MAPKAPK3: variants seen among roughly 807,000 people sequenced by gnomAD.
MAPKAPK3 encodes MAPK activated protein kinase 3.
MAPKAPK3 carries 35 observed loss-of-function variants against 49.2 expected under a neutral mutation model. The ratio of observed to expected loss-of-function variants is 0.71; its 90% CI spans 0.54 to 0.94. The LOEUF is 0.94. Among genes scored for constraint, MAPKAPK3 ranks in the 40% least tolerant of loss-of-function variants. MAPKAPK3 has a pLI of 0.00. For synonymous variants in MAPKAPK3, 178 were observed against 188.7 expected (o/e 0.94, Z 0.46); for missense variants, 398 against 493.1 (o/e 0.81, Z 1.83).
intron 2 of MAPKAPK3, among the ~76,000 whole-genome samples, chr3:50,635,674 C>G (rs1388493127): frequency 6.6e-6 from 1 of 151,508 alleles, no homozygotes; most frequent in Non-Finnish European, 1.5e-5. Context: ...CTCAGCCTCC[C>G]AAAATGCTGG....
upstream of MAPKAPK3, among the ~76,000 whole-genome samples, chr3:50,613,451 A>G (rs2032387189): frequency 6.6e-6 from 1 of 152,200 alleles, no homozygotes; most frequent in Admixed American, 6.5e-5. Flanking sequence ...CTTTCTTGGA[A>G]TGGGGGTAGG....
intron 2 of MAPKAPK3, among the ~76,000 whole-genome samples, chr3:50,638,962 A>T (rs1451913139): frequency 6.6e-6 from 1 of 152,092 alleles, no homozygotes; most frequent in East Asian, 1.9e-4. Context: ...TGAGTGAGCA[A>T]CCCTTTTTGG....
At chr3:50,619,583 G>C (rs2032558399) in intron 2 of MAPKAPK3, among the ~76,000 whole-genome samples, 1 of 152,140 alleles carries the variant, frequency 6.6e-6, no homozygotes, top group African/African-American at 2.4e-5. Flanking sequence ...CCTGTGCTAG[G>C]ATTGAGGGCA....
chr3:50,636,324 A>G (rs2033040651), intron 2 of MAPKAPK3, among the ~76,000 whole-genome samples: 1 of 152,190 alleles, frequency 6.6e-6, no homozygotes, highest in Non-Finnish European at 1.5e-5. Context: ...CTCATCCAAA[A>G]AGTGGTGATA....
chr3:50,617,823 G>T, intron 2 of MAPKAPK3, 39 bp downstream of exon 2: 1 of 1,518,128 alleles, frequency 6.6e-7, no homozygotes, highest in Non-Finnish European at 9.1e-7. Flanking sequence ...TATCCTGGAG[G>T]GTCCACAGCG....
intron 2 of MAPKAPK3, among the ~76,000 whole-genome samples, chr3:50,629,851 A>G (rs1222515702): frequency 6.6e-6 from 1 of 152,204 alleles, no homozygotes; most frequent in Non-Finnish European, 1.5e-5. Flanking sequence ...GGCCATCAAA[A>G]TTTAGTAAAT....
intron 2 of MAPKAPK3, among the ~76,000 whole-genome samples, chr3:50,626,627 G>T (rs2032752556): frequency 6.6e-6 from 1 of 152,204 alleles, no homozygotes; most frequent in Non-Finnish European, 1.5e-5. Flanking sequence ...GTGCTTTCTG[G>T]CAGGCAGTGG....
chr3:50,629,485 C>T (rs1372716527), intron 2 of MAPKAPK3, among the ~76,000 whole-genome samples: 1 of 151,138 alleles, frequency 6.6e-6, no homozygotes, highest in Non-Finnish European at 1.5e-5. Context: ...TTTGTGTGTG[C>T]TCTCATTCCC....
In MAPKAPK3 at chr3:50,648,767, A is replaced by C. The variant is rs11130254; in HGVS notation, c.*721A>C. On this transcript the variant is annotated 3_prime_UTR_variant, in exon 11 of 11. Coordinates refer to ENST00000621469, the MANE Select transcript of MAPKAPK3 (RefSeq NM_001243925.2). ...TTCCCGACCCAAAGGGTGACTTTTC[A>C]TCTGAACTTAAGGTGGGAGATATTT... The C allele has an allele frequency of 0.08, 12,203 of 152,320 alleles. 682 individuals carry two copies. The highest frequency in any genetic ancestry group is 0.12 in the Non-Finnish European group (8,244 of 68,032). 9.4% of individuals were successfully genotyped at this position (152,320 alleles called of 1,614,324 possible). A position where few individuals can be genotyped will look rare whatever the true frequency, so the allele number is the denominator to read the frequency against.
chr3:50,633,495 A>G (rs2032964718), intron 2 of MAPKAPK3, among the ~76,000 whole-genome samples: 1 of 152,146 alleles, frequency 6.6e-6, no homozygotes, highest in African/African-American at 2.4e-5. Flanking sequence ...GCACTGATGT[A>G]CACATTTATT....
chr3:50,625,590 T>C (rs1200640935), intron 2 of MAPKAPK3, among the ~76,000 whole-genome samples: 2 of 152,228 alleles, frequency 1.3e-5, no homozygotes, highest in Admixed American at 6.5e-5. Flanking sequence ...GCTTTTGTTT[T>C]TGAGGCGGGT....
At chr3:50,640,177 G>T (rs1056841168) in intron 2 of MAPKAPK3, among the ~76,000 whole-genome samples, 189 bp from the exon 3 acceptor site, 4 of 152,190 alleles carry the variant, frequency 2.6e-5, no homozygotes, top group Non-Finnish European at 5.9e-5. Context: ...TTGAGCCCAG[G>T]ACTGACCCTC....
chr3:50,647,188 C>T lies in MAPKAPK3; in HGVS notation c.981C>T (p.His327=), dbSNP rs185124089. The change falls in exon 10 of 11, where the codon CAC becomes CAT. Residue 327 remains histidine, a synonymous_variant. Transcript: ENST00000621469. ...TARVLQEDKD[H]WDEVKEEMTS... is the part of the protein sequence containing the mutation. ...GAGTGCTGCAGGAGGACAAAGACCA[C>T]TGGGACGAAGTCAAGGTGGGTGGGC... The T allele has an allele frequency of 1.9e-6, 3 of 1,593,406 alleles. No individual in the cohort carries two copies. The highest frequency in any genetic ancestry group is 2.7e-5 in the African/African-American group (2 of 74,734).
intron 2 of MAPKAPK3, among the ~76,000 whole-genome samples, chr3:50,638,082 C>T (rs1352772181): frequency 6.6e-6 from 1 of 152,114 alleles, no homozygotes; most frequent in Admixed American, 6.6e-5. Context: ...TGAAAGCATT[C>T]CAGCTGTGAG....
chr3:50,631,081 G>A (rs2032898906), intron 2 of MAPKAPK3, among the ~76,000 whole-genome samples: 1 of 152,354 alleles, frequency 6.6e-6, no homozygotes, highest in Non-Finnish European at 1.5e-5. Context: ...GACAGGGTGA[G>A]ACAGAGGACA....
intron 3 of MAPKAPK3, among the ~76,000 whole-genome samples, chr3:50,641,004 G>A (rs2033166120): frequency 1.3e-5 from 2 of 152,162 alleles, no homozygotes; most frequent in South Asian, 4.1e-4. Context: ...TCCTTGGACC[G>A]GTTAGCCAGT....
Position 50,648,109 on chromosome 3 carries a change from C to T in MAPKAPK3, c.*63C>T, listed in dbSNP as rs1389811578. 2 of 1,527,628 alleles carry T rather than the reference C, an allele frequency of 1.3e-6. No individual in the cohort carries two copies. The highest frequency in any genetic ancestry group is 8.8e-7 in the Non-Finnish European group (1 of 1,131,558). 94.6% of individuals were successfully genotyped at this position (1,527,628 alleles called of 1,614,324 possible). On this transcript the variant is annotated 3_prime_UTR_variant, in exon 11 of 11. Transcript: ENST00000621469. ...CATAACAGACTGAAATGTGCTCAGG[C>T]CCTGGCCAGGAGGGCCCAGGGTCAT...
intron 2 of MAPKAPK3, among the ~76,000 whole-genome samples, chr3:50,638,767 C>G (rs2033103365): frequency 6.6e-6 from 1 of 152,252 alleles, no homozygotes; most frequent in Non-Finnish European, 1.5e-5. Flanking sequence ...GTCACAGAGC[C>G]TGCCCCTAAC....
chr3:50,637,783 A>G (rs1282538909), intron 2 of MAPKAPK3, among the ~76,000 whole-genome samples: 1 of 152,126 alleles, frequency 6.6e-6, no homozygotes, highest in African/African-American at 2.4e-5. Flanking sequence ...GTTTCCCCAA[A>G]AAGAGGGAGT....
Sources: allele counts gnomAD v4.1 joint callset (sites outside exome capture counted in the v4.1 genomes callset), GRCh38; gene constraint gnomAD v4.1.1; transcripts MANE v1.5; gene names NCBI Gene and HGNC (gene_info 2026-07-23, HGNC 2026-07-21).